Variants in TNNT3 observed in about 807,000 individuals in gnomAD.
The protein encoded by TNNT3 is troponin T3, fast skeletal type.
TNNT3 carries 36 observed loss-of-function variants against 54.2 expected under a neutral mutation model. The ratio of observed to expected loss-of-function variants is 0.66; its 90% CI spans 0.51 to 0.88. The LOEUF is 0.88. TNNT3 is among the 40% of genes least tolerant of loss of function. The pLI is 0.00. For missense variants in TNNT3, 291 were observed against 331.6 expected (o/e 0.88, Z 0.95); for synonymous variants, 120 against 109.7 (o/e 1.09, Z -0.59).
chr11:1,930,605 T>C (rs186258161), intron 8 of TNNT3, among the ~76,000 whole-genome samples: 77 of 152,334 alleles, frequency 5.1e-4, no homozygotes, highest in Non-Finnish European at 1.0e-3. Flanking sequence ...CTTTTATCTC[T>C]CGAGTGCTCT....
At chr11:1,935,908 C>T (rs1394690668) in intron 14 of TNNT3, among the ~76,000 whole-genome samples, 1 of 152,056 alleles carries the variant, frequency 6.6e-6, no homozygotes. Context: ...AGAGGCAGGG[C>T]GATTACACTC....
At chr11:1,931,686 T>G (rs1853396845) in intron 8 of TNNT3, among the ~76,000 whole-genome samples, 1 of 151,850 alleles carries the variant, frequency 6.6e-6, no homozygotes, top group South Asian at 2.1e-4. Context: ...CTGAAAATTT[T>G]TTTTAGTCTT....
chr11:1,924,784 C>T (rs146370904), intron 4 of TNNT3: 80 of 569,236 alleles, frequency 1.4e-4, no homozygotes, highest in Non-Finnish European at 2.2e-4. Context: ...CAAGGGCCCC[C>T]GTGCACAGGC....
chr11:1,925,039 C>A, intron 4 of TNNT3, 60 bp from the exon 5 acceptor site: 1 of 1,598,124 alleles, frequency 6.3e-7, no homozygotes, highest in South Asian at 1.1e-5. Context: ...TGATCACTGT[C>A]TCTGTTCCCT....
intron 11 of TNNT3, 103 bp from the exon 12 acceptor site, chr11:1,934,229 G>T (rs1854280552): frequency 8.6e-7 from 1 of 1,166,320 alleles, no homozygotes; most frequent in South Asian, 1.3e-5. Flanking sequence ...CCCAGGGTGG[G>T]CCCTTCCAGA....
chr11:1,928,543 C>T (rs898066487), intron 6 of TNNT3, among the ~76,000 whole-genome samples: 3 of 152,144 alleles, frequency 2.0e-5, no homozygotes, highest in East Asian at 1.9e-4. Flanking sequence ...GTGGACATTC[C>T]GGACTCAGGC....
rs574242806 is a variant in TNNT3, at chr11:1,932,666, A to G, written c.171+152A>G. The stretch of plus-strand genomic sequence containing the variant: ...CTACCATAGCTTATTCCTGGGCCAG[A>G]GGAAACCCCTCTAAGAATAAGCATC... On this transcript the variant is annotated intron_variant, in intron 9 of 15. Transcript: ENST00000278317. The G allele has an allele frequency of 1.6e-5, 12 of 743,184 alleles. 1 individual carries two copies. The South Asian group carries it at 1.8e-4, about 11-fold the overall frequency. The allele number at this position is 743,184 out of a possible 1,614,324, so 46.0% of individuals were successfully genotyped here.
At chr11:1,934,716 T>G (rs1854455490) in intron 13 of TNNT3, 61 bp downstream of exon 13, 1 of 1,596,706 alleles carries the variant, frequency 6.3e-7, no homozygotes. Context: ...AGCTGCCGAC[T>G]GCTCCTCAGG....
At chr11:1,933,166 A>T (rs980578892) in intron 9 of TNNT3, among the ~76,000 whole-genome samples, 4 of 78,386 alleles carry the variant, frequency 5.1e-5, no homozygotes, top group Middle Eastern at 0.016. Context: ...CCACCCACCC[A>T]CCCACTCACC....
chr11:1,926,486 G>A (rs779299672), intron 5 of TNNT3: 22 of 1,613,180 alleles, frequency 1.4e-5, no homozygotes, highest in South Asian at 2.2e-5. Context: ...AACCAGGTAC[G>A]TGCATGACTT....
At position 1,929,039 on chromosome 11, in the gene TNNT3, C is replaced by G; in HGVS notation, c.83-81C>G. ...AGAGGGGTGGGCCCCTTGCCCGCCA[C>G]AGGCCCCTTGCCCACTGCTCCCCCG... On this transcript the variant is annotated intron_variant, in intron 6 of 15. Coordinates refer to ENST00000278317, the MANE Select transcript of TNNT3 (RefSeq NM_006757.4). 6 of 1,539,008 alleles carry G rather than the reference C, an allele frequency of 3.9e-6. No homozygotes were observed. The Middle Eastern group carries it at 6.7e-4, about 172-fold the overall frequency.
chr11:1,937,118 A>AGACTAACC, intron 15 of TNNT3, 115 bp downstream of exon 15: 1 of 1,195,610 alleles, frequency 8.4e-7, no homozygotes, highest in Non-Finnish European at 1.2e-6. Context: ...GGCAGTAACG[A>AGACTAACC]GACTAACCCG....
chr11:1,936,090 C>A, intron 14 of TNNT3: 1 of 1,034,496 alleles, frequency 9.7e-7, no homozygotes, highest in Non-Finnish European at 1.5e-6. Flanking sequence ...TGGATAGATG[C>A]GGCCACAGCG....
intron 14 of TNNT3, chr11:1,936,186 A>G (rs1181053633): frequency 1.2e-6 from 2 of 1,613,738 alleles, no homozygotes; most frequent in Admixed American, 3.3e-5. Context: ...CCGCCCATCC[A>G]GCCTTGTAAC....
chr11:1,938,477 C>G lies in TNNT3; in HGVS notation c.762C>G (p.Gly254=), dbSNP rs4727. The G allele has an allele frequency of 6.2e-7, 1 of 1,613,154 alleles. No homozygotes were observed. Among genetic ancestry groups the G allele is most frequent in the Admixed American group, 1.7e-5 (1 of 60,014 alleles). Residue 254 remains glycine, a synonymous_variant, in exon 16 of 16, where the codon GGC becomes GGG. Transcript: ENST00000278317. ...GGACCCCAGCCAAGGGCAAAGTCGG[C>G]GGGCGCTGGAAGTAGAGAGGCCAGA... ...KAGTPAKGKV[G]GRWK is the part of the protein sequence containing the mutation.
chr11:1,922,781 C>T (rs1212813915), intron 1 of TNNT3, 76 bp from the exon 2 acceptor site: 2 of 1,461,448 alleles, frequency 1.4e-6, no homozygotes, highest in African/African-American at 1.4e-5. Context: ...GACCCCATCC[C>T]CCATCCTACA....
intron 14 of TNNT3, chr11:1,936,323 A>T: frequency 6.4e-7 from 1 of 1,560,234 alleles, no homozygotes; most frequent in Non-Finnish European, 8.8e-7. Flanking sequence ...AACCTCTCGC[A>T]TGGCAAAAAC....
intron 14 of TNNT3, chr11:1,936,090 C>T (rs570519754): frequency 1.1e-4 from 115 of 1,034,378 alleles, no homozygotes; most frequent in Non-Finnish European, 1.4e-4. Context: ...TGGATAGATG[C>T]GGCCACAGCG....
chr11:1,932,433 G>C, intron 8 of TNNT3, 36 bp from the exon 9 acceptor site: 1 of 1,610,822 alleles, frequency 6.2e-7, no homozygotes, highest in East Asian at 2.2e-5. Flanking sequence ...TGGGTCTCCG[G>C]GTCTCTGCTC....
Sources: allele counts gnomAD v4.1 joint callset (sites outside exome capture counted in the v4.1 genomes callset), GRCh38; gene constraint gnomAD v4.1.1; transcripts MANE v1.5; gene names NCBI Gene and HGNC (gene_info 2026-07-23, HGNC 2026-07-21).